RABGAP1L: variants seen among roughly 807,000 people sequenced by gnomAD.
RABGAP1L encodes the protein RAB GTPase activating protein 1 like.
In RABGAP1L, 63 loss-of-function variants were observed where a neutral mutation model predicts 137.7. That is an observed-to-expected ratio of 0.46 (90% CI 0.37 to 0.56). RABGAP1L has a LOEUF of 0.56. Ranked by LOEUF, RABGAP1L falls within the 20% of genes least tolerant of loss-of-function variation. The pLI is 0.00. For missense variants in RABGAP1L, 1,095 were observed against 1,244.0 expected, an observed-to-expected ratio of 0.88 and a Z score of 1.80; for synonymous variants, 431 against 433.7, an observed-to-expected ratio of 0.99 and a Z score of 0.08.
intron 11 of RABGAP1L, among the ~76,000 whole-genome samples, chr1:174,305,732 TC>T (rs1399427022): frequency 6.6e-6 from 1 of 151,846 alleles, no homozygotes; most frequent in Non-Finnish European, 1.5e-5. Context: ...GCCTTTTTTT[TC>T]TATTTTATTT....
intron 13 of RABGAP1L, among the ~76,000 whole-genome samples, chr1:174,449,780 T>C (rs1473912753): frequency 6.6e-6 from 1 of 152,248 alleles, no homozygotes; most frequent in African/African-American, 2.4e-5. Context: ...TGTGTTTTTA[T>C]AATGTTCTCT....
chr1:174,417,687 T>C (rs998009950), intron 13 of RABGAP1L, among the ~76,000 whole-genome samples: 4 of 152,358 alleles, frequency 2.6e-5, no homozygotes, highest in Admixed American at 2.0e-4. Context: ...ATATTCACCT[T>C]ACTGGAAGTA....
chr1:174,692,965 A>T (rs1020179042), intron 15 of RABGAP1L, among the ~76,000 whole-genome samples: 4 of 152,158 alleles, frequency 2.6e-5, no homozygotes, highest in African/African-American at 9.6e-5. Context: ...CCTTACCTGA[A>T]ATTACATCTA....
At chr1:174,213,404 G>A (rs750796438) in intron 1 of RABGAP1L, among the ~76,000 whole-genome samples, 3 of 152,166 alleles carry the variant, frequency 2.0e-5, no homozygotes, top group South Asian at 2.1e-4. Flanking sequence ...CAGCCTGAGC[G>A]ACAGAGTGAG....
At chr1:174,420,457 AT>A (rs2149162111) in intron 13 of RABGAP1L, among the ~76,000 whole-genome samples, 1 of 152,218 alleles carries the variant, frequency 6.6e-6, no homozygotes, top group African/African-American at 2.4e-5. Context: ...TGAACATACA[AT>A]TTACTAATCT....
chr1:174,422,686 G>A (rs1368251245), intron 13 of RABGAP1L, among the ~76,000 whole-genome samples: 1 of 151,672 alleles, frequency 6.6e-6, no homozygotes, highest in African/African-American at 2.4e-5. Context: ...GAGCACGGTG[G>A]CCTGTAATCC....
intron 13 of RABGAP1L, among the ~76,000 whole-genome samples, chr1:174,629,806 G>A (rs1039345096): frequency 6.6e-6 from 1 of 152,198 alleles, no homozygotes; most frequent in Non-Finnish European, 1.5e-5. Context: ...TTACAGGCGT[G>A]AGCCATCGCG....
intron 7 of RABGAP1L, among the ~76,000 whole-genome samples, chr1:174,256,214 C>T (rs575124920): frequency 1.3e-5 from 2 of 152,268 alleles, no homozygotes; most frequent in South Asian, 2.1e-4. Flanking sequence ...TTGGAGAATA[C>T]ATCCATTTTT....
At chr1:174,471,046 A>AC (rs1558262200) in intron 13 of RABGAP1L, among the ~76,000 whole-genome samples, 1 of 151,044 alleles carries the variant, frequency 6.6e-6, no homozygotes, top group African/African-American at 2.5e-5. Context: ...GGAAAAAAAA[A>AC]CACACTTTGA....
chr1:174,619,308 G>A (rs1361508231), intron 13 of RABGAP1L, among the ~76,000 whole-genome samples: 2 of 152,066 alleles, frequency 1.3e-5, no homozygotes, highest in Admixed American at 6.6e-5. Context: ...GATACTCCTC[G>A]AGAAGAGCAA....
At chr1:174,787,883 A>G (rs1687574124) in intron 18 of RABGAP1L, among the ~76,000 whole-genome samples, 1 of 152,198 alleles carries the variant, frequency 6.6e-6, no homozygotes, top group Non-Finnish European at 1.5e-5. Flanking sequence ...TTTCCCAGGT[A>G]CTGTAGGGAA....
At chr1:174,973,964 G>A (rs1479975502) in intron 21 of RABGAP1L, among the ~76,000 whole-genome samples, 1 of 141,744 alleles carries the variant, frequency 7.1e-6, no homozygotes, top group Non-Finnish European at 1.5e-5. Context: ...GAAATGAGCA[G>A]TACAATTGTT....
chr1:174,917,886 C>T (rs1404424363), intron 19 of RABGAP1L, among the ~76,000 whole-genome samples: 1 of 148,340 alleles, frequency 6.7e-6, no homozygotes, highest in Non-Finnish European at 1.5e-5. Flanking sequence ...GTGCTGAGAT[C>T]GTGCCACTAG....
At chr1:174,844,145 T>A (rs1397949358) in intron 19 of RABGAP1L, among the ~76,000 whole-genome samples, 1 of 147,746 alleles carries the variant, frequency 6.8e-6, no homozygotes, top group African/African-American at 2.5e-5. Flanking sequence ...GATGAGTAGG[T>A]TGCGAAAATT....
At chr1:174,619,281 A>T (rs1228019596) in intron 13 of RABGAP1L, among the ~76,000 whole-genome samples, 1 of 152,210 alleles carries the variant, frequency 6.6e-6, no homozygotes, top group Non-Finnish European at 1.5e-5. Context: ...TTCAGGAAAT[A>T]TAGAGAATGC....
intron 13 of RABGAP1L, among the ~76,000 whole-genome samples, chr1:174,597,324 G>A (rs1670026689): frequency 1.3e-5 from 2 of 152,200 alleles, no homozygotes; most frequent in Non-Finnish European, 1.5e-5. Flanking sequence ...GTAAAATTCT[G>A]CAGTGAAGCC....
intron 19 of RABGAP1L, among the ~76,000 whole-genome samples, chr1:174,942,381 C>T (rs1666039930): frequency 6.6e-6 from 1 of 152,068 alleles, no homozygotes; most frequent in South Asian, 2.1e-4. Context: ...CCAAGTACAC[C>T]AGGAGAAAAG....
At chr1:174,941,897 A>C (rs1461149109) in intron 19 of RABGAP1L, among the ~76,000 whole-genome samples, 1 of 152,174 alleles carries the variant, frequency 6.6e-6, no homozygotes, top group African/African-American at 2.4e-5. Flanking sequence ...TTTAAAATTT[A>C]TTGTAAGTTT....
chr1:174,625,275 C>G (rs1239448466), intron 13 of RABGAP1L, among the ~76,000 whole-genome samples: 1 of 152,190 alleles, frequency 6.6e-6, no homozygotes, highest in Non-Finnish European at 1.5e-5. Flanking sequence ...GAGTCAGAGA[C>G]TTATTCTTGC....
Sources: gnomAD v4.1 joint callset for allele counts (sites outside exome capture counted in the v4.1 genomes callset) on GRCh38, gnomAD v4.1.1 for gene constraint, MANE v1.5 for transcripts, NCBI Gene and HGNC (gene_info 2026-07-23, HGNC 2026-07-21) for gene names.